The following TBCK variants were observed in gnomAD, a reference collection of about 807,000 sequenced individuals.
The protein encoded by TBCK is TBC1 domain containing kinase.
In TBCK, 99 loss-of-function variants were observed where a neutral mutation model predicts 113.4. The observed-to-expected ratio is 0.87, with a 90% CI of 0.74 to 1.03. The LOEUF is 1.03. Ranked by LOEUF, TBCK falls within the 50% of genes least tolerant of loss-of-function variation. The pLI is 0.00. For synonymous variants in TBCK, 369 were observed against 370.8 expected (o/e 1.00, Z 0.05); for missense variants, 1,045 against 1,061.3 (o/e 0.98, Z 0.21).
chr4:106,145,026 A>G (rs1408113869), intron 23 of TBCK, among the ~76,000 whole-genome samples: 1 of 147,252 alleles, frequency 6.8e-6, no homozygotes, highest in African/African-American at 2.5e-5. Context: ...GTGTCAAAAA[A>G]AAAAAAAAAA....
At position 106,292,603 on chromosome 4, in the gene TBCK, A is replaced by C. The variant is rs549457567; in HGVS notation, c.266+2491T>G. 6.6e-5 allele frequency among the ~76,000 whole-genome samples: 10 copies of C among 151,756 alleles called. No homozygotes were observed. The South Asian group carries it at 1.9e-3, about 28-fold the overall frequency. ...AAAAAAAAGTACATGCCCTTAACTC[A>C]TATCTGTTCATGCAGCTCTGTGAGG... On this transcript the variant is annotated intron_variant, in intron 3 of 25. Coordinates refer to ENST00000394708, the MANE Select transcript of TBCK (RefSeq NM_001163435.3).
At chr4:106,228,953 G>A (rs762885112) in intron 19 of TBCK, among the ~76,000 whole-genome samples, 2 of 152,014 alleles carry the variant, frequency 1.3e-5, no homozygotes, top group Admixed American at 6.6e-5. Flanking sequence ...AGAGTGACAC[G>A]ATATCTCATT....
At chr4:106,316,356 C>CG (rs538568279), upstream of TBCK, 12,613 of 579,858 alleles carry the variant, frequency 0.022, 148 homozygotes, top group South Asian at 0.047. Context: ...TGCGGGGGGA[C>CG]GGGGGGGGTC....
chr4:106,238,094 G>C (rs1319693369), intron 12 of TBCK, among the ~76,000 whole-genome samples: 1 of 151,990 alleles, frequency 6.6e-6, no homozygotes, highest in Non-Finnish European at 1.5e-5. Flanking sequence ...ATTTAGATTT[G>C]AAGCCTACAT....
rs753939204 is a variant in TBCK, at chr4:106,231,742, GT to G, written c.1676del (p.Asn559ThrfsTer25). ...DSLCAPFLYL[N>X]FNNEALAYAC... Reference sequence around the variant, plus strand: ...AAAGAGGCTTACCTTCATTATTGAAGTTTAGATATAGGAATGGAGCACAAAG... The same window carrying G: ...AAAGAGGCTTACCTTCATTATTGAAGTTAGATATAGGAATGGAGCACAAAG... On this transcript the variant is annotated frameshift_variant, in exon 18 of 26. Transcript: ENST00000394708. LOFTEE classifies it high-confidence loss of function. The G allele has an allele frequency of 6.2e-7, 1 of 1,609,212 alleles. No homozygotes were observed.
intron 25 of TBCK, among the ~76,000 whole-genome samples, chr4:106,065,844 C>T (rs1392071316): frequency 1.3e-5 from 2 of 152,054 alleles, no homozygotes; most frequent in East Asian, 3.9e-4. Context: ...GAAGCCTCTA[C>T]ATGGTACCTT....
intron 20 of TBCK, among the ~76,000 whole-genome samples, chr4:106,201,701 CAAAG>C (rs1754903764): frequency 6.6e-6 from 1 of 151,826 alleles, no homozygotes; most frequent in African/African-American, 2.4e-5. Flanking sequence ...ATAGGAAAAA[CAAAG>C]GAAGGGGGAT....
chr4:106,075,613 T>C (rs1258052280), intron 25 of TBCK, among the ~76,000 whole-genome samples: 1 of 152,210 alleles, frequency 6.6e-6, no homozygotes, highest in African/African-American at 2.4e-5. Flanking sequence ...ATAGATGACG[T>C]ATTTAATTGA....
chr4:106,242,721 T>C, intron 11 of TBCK, 152 bp from the exon 12 acceptor site: 1 of 488,938 alleles, frequency 2.0e-6, no homozygotes, highest in Middle Eastern at 6.1e-4. Context: ...TTTTTAATTA[T>C]TATTATTATA....
At chr4:106,069,190 T>G (rs946559049) in intron 25 of TBCK, among the ~76,000 whole-genome samples, 26 of 152,220 alleles carry the variant, frequency 1.7e-4, no homozygotes, top group Non-Finnish European at 3.5e-4. Flanking sequence ...TGCCATTGCT[T>G]TTGGTGTTTT....
chr4:106,193,222 T>C (rs1753848027), intron 22 of TBCK, among the ~76,000 whole-genome samples: 5 of 152,202 alleles, frequency 3.3e-5, no homozygotes, highest in Admixed American at 3.3e-4. Context: ...AACAAAGTTT[T>C]GTGAATTGTA....
intron 19 of TBCK, among the ~76,000 whole-genome samples, chr4:106,217,032 C>T (rs1164178193): frequency 6.6e-6 from 1 of 152,098 alleles, no homozygotes; most frequent in African/African-American, 2.4e-5. Context: ...ATCAAGTGGG[C>T]TTCATCCCTG....
At chr4:106,167,842 A>C (rs1015533065) in intron 23 of TBCK, among the ~76,000 whole-genome samples, 8 of 151,804 alleles carry the variant, frequency 5.3e-5, no homozygotes, top group African/African-American at 1.9e-4. Flanking sequence ...GCATCTATTA[A>C]AGAAATTCAA....
At chr4:106,167,023 T>C (rs1238872730) in intron 23 of TBCK, among the ~76,000 whole-genome samples, 2 of 149,672 alleles carry the variant, frequency 1.3e-5, no homozygotes, top group African/African-American at 2.4e-5. Flanking sequence ...TCCAAAGCAA[T>C]AGACAATAAA....
chr4:106,302,266 G>A (rs543359306), intron 2 of TBCK, among the ~76,000 whole-genome samples: 5 of 152,148 alleles, frequency 3.3e-5, no homozygotes, highest in Non-Finnish European at 7.4e-5. Flanking sequence ...CAGCAATATA[G>A]TGGACAGGGC....
chr4:106,188,836 T>C (rs1055393662), intron 22 of TBCK, among the ~76,000 whole-genome samples: 1 of 152,218 alleles, frequency 6.6e-6, no homozygotes, highest in Non-Finnish European at 1.5e-5. Context: ...GTTAGTGTTA[T>C]GTGAATTCTT....
intron 20 of TBCK, among the ~76,000 whole-genome samples, chr4:106,205,166 A>G (rs1249700226): frequency 2.0e-5 from 3 of 152,214 alleles, no homozygotes; most frequent in Non-Finnish European, 4.4e-5. Context: ...AATATCTGCC[A>G]CTGTGAAATT....
chr4:106,120,560 G>A (rs1257668410), intron 23 of TBCK, among the ~76,000 whole-genome samples: 3 of 152,164 alleles, frequency 2.0e-5, no homozygotes, highest in Non-Finnish European at 2.9e-5. Flanking sequence ...AGACTTAAAT[G>A]TCCCTGTCTG....
chr4:106,200,357 T>G (rs1218442222), intron 20 of TBCK, among the ~76,000 whole-genome samples: 1 of 152,024 alleles, frequency 6.6e-6, no homozygotes, highest in Non-Finnish European at 1.5e-5. Flanking sequence ...CTGGGTAACA[T>G]AGGGAGACCT....
Sources: allele counts gnomAD v4.1 joint callset (sites outside exome capture counted in the v4.1 genomes callset), GRCh38; gene constraint gnomAD v4.1.1; transcripts MANE v1.5; gene names NCBI Gene and HGNC (gene_info 2026-07-23, HGNC 2026-07-21).